The following NBAS variants were observed in gnomAD, a reference collection of about 807,000 sequenced individuals.
NBAS encodes the protein NAG/BC035112 fusion.
In NBAS, 219 loss-of-function variants were observed where a neutral mutation model predicts 302.5. That is an observed-to-expected ratio of 0.72 (90% CI 0.65 to 0.81). NBAS has a LOEUF of 0.81. NBAS is among the 30% of genes least tolerant of loss of function. The pLI is 0.00. For missense variants in NBAS, 2,932 were observed against 2,841.6 expected, an observed-to-expected ratio of 1.03 and a Z score of -0.72; for synonymous variants, 1,118 against 1,021.6, an observed-to-expected ratio of 1.09 and a Z score of -1.80.
chr2:15,394,324 C>A lies in NBAS; in HGVS notation c.3160G>T (p.Gly1054Ter), dbSNP rs908833503. The change falls in exon 28 of 52, where the codon GGA (glycine) becomes TGA (stop). Residue 1054 changes from glycine (G) to a stop codon, truncating the protein, a stop_gained. Transcript: ENST00000281513. LOFTEE classifies it high-confidence loss of function. ...ACAAATGAAATTGGTTTCTCGAGTC[C>A]ATGTTTTTCCAAAAGCTCTGACACA... Reference protein sequence around the residue: ...LSVSELLEKHGLEKPISFVKN... With the variant: ...LSVSELLEKH The A allele has an allele frequency of 1.9e-6, 3 of 1,612,972 alleles. No homozygotes were observed. The highest frequency in any genetic ancestry group is 3.3e-4 in the Middle Eastern group (2 of 6,052).
chr2:14,938,120 C>T, the NBAS span, among the ~76,000 whole-genome samples: 1 of 151,036 alleles, frequency 6.6e-6, no homozygotes, highest in Non-Finnish European at 1.5e-5. Flanking sequence ...AGCGAGACTC[C>T]ATCTCAAAAA....
intron 21 of NBAS, among the ~76,000 whole-genome samples, chr2:15,458,183 T>C (rs927911016): frequency 1.3e-5 from 2 of 152,148 alleles, no homozygotes; most frequent in African/African-American, 2.4e-5. Context: ...AGTATGACTA[T>C]AACACAGTGT....
chr2:15,301,686 T>C (rs1252586118), intron 40 of NBAS, among the ~76,000 whole-genome samples: 2 of 152,052 alleles, frequency 1.3e-5, no homozygotes, highest in African/African-American at 4.8e-5. Context: ...TTCAAAACAA[T>C]AGAATACATG....
the NBAS span, among the ~76,000 whole-genome samples, chr2:14,795,266 A>C: frequency 6.6e-6 from 1 of 152,210 alleles, no homozygotes; most frequent in African/African-American, 2.4e-5. Flanking sequence ...ACAAACACCT[A>C]GTATCGTCAG....
chr2:15,507,601 G>C (rs1430735017), intron 10 of NBAS, among the ~76,000 whole-genome samples: 1 of 152,160 alleles, frequency 6.6e-6, no homozygotes, highest in African/African-American at 2.4e-5. Context: ...CAGTGGTAAG[G>C]GATAAGGTGG....
At chr2:15,135,353 C>G in the NBAS span, among the ~76,000 whole-genome samples, 1 of 152,178 alleles carries the variant, frequency 6.6e-6, no homozygotes, top group Non-Finnish European at 1.5e-5. Flanking sequence ...TTACTGGACT[C>G]TGACAGCACC....
chr2:15,159,615 G>GA, the NBAS span, among the ~76,000 whole-genome samples: 1 of 151,528 alleles, frequency 6.6e-6, no homozygotes, highest in Non-Finnish European at 1.5e-5. Flanking sequence ...AGGGCTGGGG[G>GA]GAGGAAAGAA....
the NBAS span, among the ~76,000 whole-genome samples, chr2:15,095,235 T>C: frequency 6.6e-6 from 1 of 152,176 alleles, no homozygotes; most frequent in African/African-American, 2.4e-5. Flanking sequence ...TTTTAGCTCA[T>C]TTTCATGCTG....
chr2:15,413,507 T>C (rs1676780621), intron 25 of NBAS, among the ~76,000 whole-genome samples: 1 of 152,036 alleles, frequency 6.6e-6, no homozygotes, highest in African/African-American at 2.4e-5. Flanking sequence ...CCTTGAAGGA[T>C]AGGCAGGTAT....
chr2:15,112,003 T>TA, the NBAS span, among the ~76,000 whole-genome samples: 1 of 149,670 alleles, frequency 6.7e-6, no homozygotes, highest in East Asian at 1.9e-4. Context: ...AATTTCACAT[T>TA]AAAAAATGAT....
chr2:14,791,311 A>G, the NBAS span, among the ~76,000 whole-genome samples: 1 of 152,130 alleles, frequency 6.6e-6, no homozygotes, highest in Admixed American at 6.5e-5. Context: ...TTTTCTAACA[A>G]TCTTTGAGAA....
intron 11 of NBAS, among the ~76,000 whole-genome samples, chr2:15,489,278 C>A (rs952883363): frequency 2.0e-5 from 3 of 151,912 alleles, no homozygotes; most frequent in Non-Finnish European, 4.4e-5. Flanking sequence ...TACATATAAC[C>A]GAAAAATATG....
chr2:15,254,141 A>G (rs950508216), intron 44 of NBAS, among the ~76,000 whole-genome samples: 5 of 152,056 alleles, frequency 3.3e-5, no homozygotes, highest in African/African-American at 9.7e-5. Flanking sequence ...TGAGATATCT[A>G]TTCATGTGTT....
At chr2:15,026,462 CAAAAAAAAAAAAAAAAA>C in the NBAS span, among the ~76,000 whole-genome samples, 2 of 4,534 alleles carry the variant, frequency 4.4e-4, 1 homozygote, top group Non-Finnish European at 5.9e-4. Flanking sequence ...GACTCCGTCT[CAAAAAAAAAAAAAAAAA>C]AAAAAAAAAA....
intron 39 of NBAS, among the ~76,000 whole-genome samples, chr2:15,308,811 C>T (rs1671146077): frequency 6.6e-6 from 1 of 152,082 alleles, no homozygotes; most frequent in Non-Finnish European, 1.5e-5. Context: ...ATAGATAGCT[C>T]TTATTATTTT....
the NBAS span, among the ~76,000 whole-genome samples, chr2:15,142,499 G>A: frequency 6.6e-6 from 1 of 152,186 alleles, no homozygotes. Context: ...AAAAATGGTC[G>A]CCTCCGCAAG....
the NBAS span, among the ~76,000 whole-genome samples, chr2:15,064,739 A>C: frequency 2.6e-5 from 4 of 152,224 alleles, no homozygotes; most frequent in Non-Finnish European, 5.9e-5. Context: ...CATTACCCTG[A>C]TACCAAAGCC....
At chr2:15,498,372 A>ATATT (rs1469637581) in intron 11 of NBAS, among the ~76,000 whole-genome samples, 1 of 152,194 alleles carries the variant, frequency 6.6e-6, no homozygotes, top group African/African-American at 2.4e-5. Context: ...AATAAAAAAA[A>ATATT]TATTTATACA....
At chr2:15,147,489 A>C in the NBAS span, among the ~76,000 whole-genome samples, 2 of 152,248 alleles carry the variant, frequency 1.3e-5, no homozygotes, top group South Asian at 2.1e-4. Flanking sequence ...GCTACTCGGG[A>C]GGCTGAGGCA....
Sources: allele counts gnomAD v4.1 joint callset (sites outside exome capture counted in the v4.1 genomes callset), GRCh38; gene constraint gnomAD v4.1.1; transcripts MANE v1.5; gene names NCBI Gene and HGNC (gene_info 2026-07-23, HGNC 2026-07-21).